GSK3B: variants seen among roughly 807,000 people sequenced by gnomAD.
GSK3B encodes the protein glycogen synthase kinase 3 beta.
GSK3B carries 15 observed loss-of-function variants against 56.4 expected under a neutral mutation model. The observed-to-expected ratio is 0.27, with a 90% CI of 0.18 to 0.41. The LOEUF (loss-of-function observed/expected upper bound fraction) is 0.41, where lower values mean the gene tolerates loss of function less well. Among genes scored for constraint, GSK3B ranks in the 10% least tolerant of loss-of-function variants. The pLI is 1.00. For missense variants in GSK3B, 300 were observed against 513.4 expected, an observed-to-expected ratio of 0.58 and a Z score of 4.02; for synonymous variants, 181 against 188.9, an observed-to-expected ratio of 0.96 and a Z score of 0.34.
intron 1 of GSK3B, among the ~76,000 whole-genome samples, chr3:120,088,414 C>A (rs925707455): frequency 6.6e-6 from 1 of 152,164 alleles, no homozygotes; most frequent in Non-Finnish European, 1.5e-5. Context: ...TTTTTCCTTG[C>A]TGTTCTATTC....
At chr3:119,865,443 T>C (rs1313408146) in intron 8 of GSK3B, among the ~76,000 whole-genome samples, 1 of 16,376 alleles carries the variant, frequency 6.1e-5, no homozygotes, top group African/African-American at 1.2e-4. Context: ...CCGATATATA[T>C]ATATATATAT....
intron 7 of GSK3B, among the ~76,000 whole-genome samples, chr3:119,881,055 G>A (rs546676553): frequency 2.8e-4 from 43 of 152,108 alleles, no homozygotes; most frequent in South Asian, 2.1e-4. Flanking sequence ...AAATACTGCC[G>A]ATAAAAGCAA....
chr3:119,891,185 T>C (rs893695978), intron 7 of GSK3B, among the ~76,000 whole-genome samples: 10 of 151,652 alleles, frequency 6.6e-5, no homozygotes, highest in African/African-American at 2.4e-4. Context: ...ACTTAAGGAA[T>C]GTAGCAGGCA....
rs2056186233 is a variant in GSK3B, at chr3:119,866,607, A to C, written c.910-3002T>G. The C allele has an allele frequency of 4.4e-6, 7 of 1,604,918 alleles. No homozygotes were observed. Among genetic ancestry groups the C allele is most frequent in the Non-Finnish European group, 6.0e-6 (7 of 1,174,040 alleles). On this transcript the variant is annotated intron_variant, in intron 8 of 10. Transcript: ENST00000264235. Reference sequence around the variant, plus strand: ...GTACATACCCGCACTCCTGAGGTGAAATGTCCTGTTCCTGACGAATCCTAA... The same window carrying C: ...GTACATACCCGCACTCCTGAGGTGACATGTCCTGTTCCTGACGAATCCTAA...
intron 2 of GSK3B, among the ~76,000 whole-genome samples, chr3:119,962,038 T>C (rs1401642915): frequency 2.0e-5 from 3 of 152,194 alleles, no homozygotes; most frequent in Non-Finnish European, 4.4e-5. Context: ...AATGAGTTTA[T>C]CTGGATGTAA....
intron 2 of GSK3B, among the ~76,000 whole-genome samples, chr3:119,989,522 G>A (rs1304244975): frequency 1.3e-5 from 2 of 151,830 alleles, no homozygotes; most frequent in African/African-American, 2.4e-5. Flanking sequence ...GCAGGCGCCT[G>A]TAGTCCCAAG....
intron 2 of GSK3B, among the ~76,000 whole-genome samples, chr3:119,976,552 G>A (rs1289308350): frequency 6.6e-6 from 1 of 152,126 alleles, no homozygotes; most frequent in Non-Finnish European, 1.5e-5. Flanking sequence ...GGGCCTGGGG[G>A]AAGGAAAGGA....
chr3:119,995,885 G>A (rs1382286405), intron 2 of GSK3B, among the ~76,000 whole-genome samples: 2 of 151,810 alleles, frequency 1.3e-5, no homozygotes, highest in African/African-American at 2.4e-5. Flanking sequence ...CTACAGGCAC[G>A]TGCCACCACA....
intron 7 of GSK3B, among the ~76,000 whole-genome samples, chr3:119,897,793 CAAAAAAA>C (rs11464173): frequency 9.6e-5 from 7 of 73,150 alleles, no homozygotes; most frequent in African/African-American, 1.3e-4. Context: ...GACTCTGTCT[CAAAAAAA>C]AAAAAAAAAA....
intron 10 of GSK3B, among the ~76,000 whole-genome samples, chr3:119,842,682 T>C (rs1431802339): frequency 6.6e-6 from 1 of 152,128 alleles, no homozygotes; most frequent in East Asian, 1.9e-4. Context: ...GATCTTGAAC[T>C]CCTGGCCTCG....
chr3:119,928,432 C>T (rs370212630), intron 3 of GSK3B, among the ~76,000 whole-genome samples: 7 of 151,390 alleles, frequency 4.6e-5, no homozygotes, highest in South Asian at 4.2e-4. Context: ...GGTGAAACCC[C>T]GTCTCTACTA....
chr3:119,880,911 G>C (rs1041178109), intron 7 of GSK3B, among the ~76,000 whole-genome samples: 6 of 152,184 alleles, frequency 3.9e-5, no homozygotes, highest in African/African-American at 1.4e-4. Context: ...AACAACAGCG[G>C]CAATGACATG....
At chr3:119,912,235 A>G (rs1170527901) in intron 6 of GSK3B, among the ~76,000 whole-genome samples, 1 of 152,178 alleles carries the variant, frequency 6.6e-6, no homozygotes, top group South Asian at 2.1e-4. Flanking sequence ...TGGAATATTC[A>G]TAACATACAC....
At chr3:119,949,055 G>C (rs2057129616) in intron 2 of GSK3B, among the ~76,000 whole-genome samples, 1 of 152,156 alleles carries the variant, frequency 6.6e-6, no homozygotes, top group Non-Finnish European at 1.5e-5. Context: ...AGAACTGCTA[G>C]TAAATCAATA....
rs574487979 is a variant in GSK3B, at chr3:119,985,029, G to C, written c.282+17017C>G. Among the ~76,000 whole-genome samples the C allele has an allele frequency of 7.9e-5, 12 of 152,298 alleles. No individual in the cohort carries two copies. The South Asian group carries it at 2.1e-3, about 26-fold the overall frequency. ...GCTTCATCCCTGGAATGCAAGGCTGGTTCAACATATGCAAATCAACAAACG... is the reference window on the plus strand; with the variant it reads ...GCTTCATCCCTGGAATGCAAGGCTGCTTCAACATATGCAAATCAACAAACG... On this transcript the variant is annotated intron_variant, in intron 2 of 10. Transcript: ENST00000264235.
At chr3:119,948,866 T>C (rs2057127600) in intron 2 of GSK3B, among the ~76,000 whole-genome samples, 1 of 152,256 alleles carries the variant, frequency 6.6e-6, no homozygotes, top group East Asian at 1.9e-4. Flanking sequence ...GCCCAGCTAA[T>C]TATTTTAATA....
At chr3:119,848,594 T>G (rs942003570) in intron 9 of GSK3B, among the ~76,000 whole-genome samples, 30 of 152,162 alleles carry the variant, frequency 2.0e-4, no homozygotes, top group African/African-American at 7.2e-4. Context: ...TCACTCTACA[T>G]TAATCCCTTC....
chr3:119,892,467 T>C (rs2056513439), intron 7 of GSK3B, among the ~76,000 whole-genome samples: 1 of 152,208 alleles, frequency 6.6e-6, no homozygotes, highest in South Asian at 2.1e-4. Flanking sequence ...CTAAGAAGGC[T>C]TTCCAGACAG....
intron 2 of GSK3B, among the ~76,000 whole-genome samples, chr3:119,999,584 A>G (rs541505954): frequency 6.6e-6 from 1 of 152,334 alleles, no homozygotes; most frequent in Non-Finnish European, 1.5e-5. Flanking sequence ...TAGGAGACAA[A>G]TATTTAAAAA....
Sources: gnomAD v4.1 joint callset for allele counts (sites outside exome capture counted in the v4.1 genomes callset) on GRCh38, gnomAD v4.1.1 for gene constraint, MANE v1.5 for transcripts, NCBI Gene and HGNC (gene_info 2026-07-23, HGNC 2026-07-21) for gene names.